CRB1: variants seen among roughly 807,000 people sequenced by gnomAD.
The protein encoded by CRB1 is protein crumbs homolog 1.
CRB1 carries 83 observed loss-of-function variants against 120.0 expected under a neutral mutation model. The observed-to-expected ratio is 0.69, with a 90% CI of 0.58 to 0.83. CRB1 has a LOEUF of 0.83. Among genes scored for constraint, CRB1 ranks in the 40% least tolerant of loss-of-function variants. The pLI is 0.00. For missense variants in CRB1, 1,699 were observed against 1,687.6 expected, an observed-to-expected ratio of 1.01 and a Z score of -0.12; for synonymous variants, 625 against 612.5, an observed-to-expected ratio of 1.02 and a Z score of -0.30.
intron 1 of CRB1, among the ~76,000 whole-genome samples, chr1:197,289,503 G>A (rs1402504048): frequency 6.6e-6 from 1 of 151,628 alleles, no homozygotes; most frequent in Non-Finnish European, 1.5e-5. Flanking sequence ...TGTTATTTAT[G>A]ATTCTTAAGA....
At chr1:197,294,649 A>G (rs1470221201) in intron 1 of CRB1, among the ~76,000 whole-genome samples, 1 of 152,178 alleles carries the variant, frequency 6.6e-6, no homozygotes, top group African/African-American at 2.4e-5. Flanking sequence ...AAGACTTGGA[A>G]CCAACCCAAA....
chr1:197,268,180 A>G, upstream of CRB1: 2 of 495,140 alleles, frequency 4.0e-6, no homozygotes, highest in East Asian at 7.4e-5. Context: ...AAAAATCTGC[A>G]CCAGGTTTGA....
rs142986341 is a variant in CRB1, at chr1:197,355,148, G to C, written c.989-1683G>C. Among the ~76,000 whole-genome samples, 18 of 151,594 alleles carry C rather than the reference G, an allele frequency of 1.2e-4. No homozygotes were observed. The East Asian group carries it at 3.5e-3, about 30-fold the overall frequency. On this transcript the variant is annotated intron_variant, in intron 4 of 11. Coordinates refer to ENST00000367400, the MANE Select transcript of CRB1 (RefSeq NM_201253.3). ...ACCTTAAGCTAGACACAGAGTGCTG[G>C]TTGGTGTATTTACAATCCCTTAGCT...
At chr1:197,355,058 G>A (rs1436565075) in intron 4 of CRB1, among the ~76,000 whole-genome samples, 1 of 151,764 alleles carries the variant, frequency 6.6e-6, no homozygotes, top group Non-Finnish European at 1.5e-5. Flanking sequence ...GCTAGATACA[G>A]AGTGCCTATT....
chr1:197,394,282 T>A (rs1244682658), intron 5 of CRB1, among the ~76,000 whole-genome samples: 1 of 152,158 alleles, frequency 6.6e-6, no homozygotes, highest in Non-Finnish European at 1.5e-5. Context: ...ATTTTCTTAA[T>A]AACATGTTTT....
chr1:197,299,430 A>C (rs1656736488), intron 1 of CRB1, among the ~76,000 whole-genome samples: 1 of 152,152 alleles, frequency 6.6e-6, no homozygotes, highest in East Asian at 1.9e-4. Flanking sequence ...TAAGCTCTGG[A>C]AAGCAATTTG....
the CRB1 span, among the ~76,000 whole-genome samples, chr1:197,208,595 C>G: frequency 6.6e-6 from 1 of 152,176 alleles, no homozygotes; most frequent in Non-Finnish European, 1.5e-5. Context: ...GATACCAGCT[C>G]CTGCTCTGGT....
At chr1:197,404,593 A>G (rs1339345915) in intron 5 of CRB1, among the ~76,000 whole-genome samples, 1 of 152,150 alleles carries the variant, frequency 6.6e-6, no homozygotes, top group Non-Finnish European at 1.5e-5. Flanking sequence ...TTCAGACAGT[A>G]AGTTATCTTT....
intron 11 of CRB1, among the ~76,000 whole-genome samples, chr1:197,458,014 T>C (rs1372654701): frequency 6.6e-6 from 1 of 152,096 alleles, no homozygotes; most frequent in Non-Finnish European, 1.5e-5. Flanking sequence ...GCATTTTAAA[T>C]TTGTGAGAGT....
the CRB1 span, among the ~76,000 whole-genome samples, chr1:197,234,638 C>T: frequency 6.6e-6 from 1 of 152,212 alleles, no homozygotes; most frequent in East Asian, 1.9e-4. Context: ...AAATGACTTG[C>T]TCAGTTATCA....
intron 1 of CRB1, among the ~76,000 whole-genome samples, chr1:197,278,919 A>G (rs1175836432): frequency 6.6e-6 from 1 of 151,920 alleles, no homozygotes; most frequent in Non-Finnish European, 1.5e-5. Context: ...ATTTTTGCCT[A>G]AGAAAATCAT....
chr1:197,268,179 C>T (rs765339621), upstream of CRB1: 6 of 489,824 alleles, frequency 1.2e-5, no homozygotes, highest in Admixed American at 3.2e-5. Flanking sequence ...AAAAAATCTG[C>T]ACCAGGTTTG....
chr1:197,273,567 G>C (rs1226637027), intron 1 of CRB1, among the ~76,000 whole-genome samples: 1 of 152,060 alleles, frequency 6.6e-6, no homozygotes, highest in Non-Finnish European at 1.5e-5. Flanking sequence ...CTTCTGCATA[G>C]GAGATCTGGC....
intron 5 of CRB1, among the ~76,000 whole-genome samples, chr1:197,387,212 C>T (rs978449649): frequency 1.3e-5 from 2 of 152,084 alleles, no homozygotes; most frequent in African/African-American, 4.8e-5. Context: ...AAGCAATTCT[C>T]CTGCCTCAGC....
the CRB1 span, among the ~76,000 whole-genome samples, chr1:197,232,689 GC>G: frequency 6.6e-6 from 1 of 152,080 alleles, no homozygotes; most frequent in Non-Finnish European, 1.5e-5. Context: ...TGAAGGAGAG[GC>G]CAGGTCTCTA....
At chr1:197,337,077 G>A (rs1659195380) in intron 2 of CRB1, among the ~76,000 whole-genome samples, 1 of 152,144 alleles carries the variant, frequency 6.6e-6, no homozygotes, top group South Asian at 2.1e-4. Context: ...GCTGTCCAAG[G>A]CGATGAAAAG....
chr1:197,213,670 T>C, the CRB1 span, among the ~76,000 whole-genome samples: 1 of 152,188 alleles, frequency 6.6e-6, no homozygotes, highest in African/African-American at 2.4e-5. Flanking sequence ...AGATTGATGT[T>C]ATACCAAGTA....
intron 11 of CRB1, among the ~76,000 whole-genome samples, chr1:197,460,640 G>A (rs1666489009): frequency 6.6e-6 from 1 of 152,136 alleles, no homozygotes; most frequent in East Asian, 1.9e-4. Flanking sequence ...GCCCAAAGAA[G>A]TGAAGTGACT....
chr1:197,252,067 T>A, the CRB1 span, among the ~76,000 whole-genome samples: 1 of 151,922 alleles, frequency 6.6e-6, no homozygotes, highest in Non-Finnish European at 1.5e-5. Flanking sequence ...TACCTTAAAT[T>A]AGGGGTCAGC....
Sources: allele counts gnomAD v4.1 joint callset (sites outside exome capture counted in the v4.1 genomes callset), GRCh38; gene constraint gnomAD v4.1.1; transcripts MANE v1.5; gene names NCBI Gene and HGNC (gene_info 2026-07-23, HGNC 2026-07-21).